Variants in PCSK2 observed in about 807,000 individuals in gnomAD.
PCSK2 encodes proprotein convertase subtilisin/kexin type 2, also known as neuroendocrine convertase 2.
A neutral mutation model predicts 69.7 loss-of-function variants in PCSK2; 14 were observed. The ratio of observed to expected loss-of-function variants is 0.20; its 90% CI spans 0.13 to 0.31. The LOEUF is 0.31. Ranked by LOEUF, PCSK2 falls within the 10% of genes least tolerant of loss-of-function variation. PCSK2 has a pLI of 1.00. For synonymous variants in PCSK2, 307 were observed against 320.7 expected (o/e 0.96, Z 0.46); for missense variants, 544 against 842.5 (o/e 0.65, Z 4.39).
chr20:17,365,301 C>A (rs985818495), intron 4 of PCSK2, among the ~76,000 whole-genome samples: 6 of 152,076 alleles, frequency 3.9e-5, no homozygotes, highest in Non-Finnish European at 8.8e-5. Flanking sequence ...AAAGTACGAA[C>A]CCCATTCATG....
At chr20:17,372,430 A>AAT (rs1163785702) in intron 5 of PCSK2, among the ~76,000 whole-genome samples, 1 of 148,388 alleles carries the variant, frequency 6.7e-6, no homozygotes, top group African/African-American at 2.5e-5. Flanking sequence ...TAAATAAATA[A>AAT]AAATAAAAGA....
At chr20:17,368,360 C>T (rs180796402) in intron 4 of PCSK2, among the ~76,000 whole-genome samples, 20 of 152,254 alleles carry the variant, frequency 1.3e-4, no homozygotes, top group Non-Finnish European at 2.4e-4. Context: ...AAGCAACTTG[C>T]CTGAAGTCTT....
chr20:17,289,668 A>C lies in PCSK2; in HGVS notation c.282+29324A>C, dbSNP rs1208645188. ...CATACCCAAAGCTAAACATCACTTA[A>C]CTTTTTTTGTTTATATCTTTTCAGT... On this transcript the variant is annotated intron_variant, in intron 2 of 11. Transcript: ENST00000262545. Among the ~76,000 whole-genome samples the C allele has an allele frequency of 2.0e-5, 3 of 151,934 alleles. No homozygotes were observed. The East Asian group carries it at 5.8e-4, about 29-fold the overall frequency.
At chr20:17,254,266 G>T (rs1197816078) in intron 1 of PCSK2, among the ~76,000 whole-genome samples, 10 of 152,072 alleles carry the variant, frequency 6.6e-5, no homozygotes, top group Admixed American at 5.9e-4. Flanking sequence ...AGAAAACATT[G>T]CCTAACCTAA....
chr20:17,380,126 C>A (rs575110936), intron 5 of PCSK2, among the ~76,000 whole-genome samples: 12 of 152,272 alleles, frequency 7.9e-5, no homozygotes, highest in Admixed American at 5.9e-4. Context: ...CCCCAGTTAA[C>A]CCACGTCCAG....
At chr20:17,247,338 G>T (rs751239114) in intron 1 of PCSK2, among the ~76,000 whole-genome samples, 3 of 152,122 alleles carry the variant, frequency 2.0e-5, no homozygotes, top group Admixed American at 6.5e-5. Context: ...TAAAATTCAG[G>T]TCCCCAAATG....
intron 2 of PCSK2, among the ~76,000 whole-genome samples, chr20:17,328,283 G>T (rs1014165301): frequency 2.0e-5 from 3 of 151,302 alleles, no homozygotes; most frequent in Non-Finnish European, 4.4e-5. Context: ...TTTCCACAAT[G>T]GAGTTTCCTT....
chr20:17,481,190 G>A (rs2033392530), intron 11 of PCSK2, among the ~76,000 whole-genome samples: 1 of 151,976 alleles, frequency 6.6e-6, no homozygotes, highest in African/African-American at 2.4e-5. Flanking sequence ...AGACCAGCCT[G>A]GCCAACATGG....
Position 17,411,791 on chromosome 20 carries a change from G to T in PCSK2, c.620+2452G>T, listed in dbSNP as rs140960997. ...GGCCAACAGACAGCTCACAAAGGTG[G>T]GTGCCCCTCTAGGACAAAGCTTCAA... On this transcript the variant is annotated intron_variant, in intron 6 of 11. Transcript: ENST00000262545. 1.9e-3 allele frequency among the ~76,000 whole-genome samples: 295 copies of T among 152,338 alleles called. 1 individual carries two copies. Among genetic ancestry groups the T allele is most frequent in the Non-Finnish European group, 2.9e-3 (199 of 68,040 alleles).
In PCSK2 at chr20:17,455,313, G is replaced by A. The variant is rs141891371; in HGVS notation, c.1102-1035G>A. 3.2e-3 allele frequency among the ~76,000 whole-genome samples: 486 copies of A among 152,268 alleles called. 3 individuals are homozygous for A. Among genetic ancestry groups the A allele is most frequent in the African/African-American group, 0.011 (463 of 41,560 alleles). ...AGCTCTCTTGAGGATCCTACAGACA[G>A]AGGAAGAATTCCCGTCGTTTATACA... On this transcript the variant is annotated intron_variant, in intron 9 of 11. Transcript: ENST00000262545.
intron 5 of PCSK2, among the ~76,000 whole-genome samples, chr20:17,376,894 C>T (rs2030943756): frequency 6.6e-6 from 1 of 152,070 alleles, no homozygotes; most frequent in South Asian, 2.1e-4. Context: ...CAAGTAATAC[C>T]AGGAACTAAA....
intron 2 of PCSK2, among the ~76,000 whole-genome samples, chr20:17,262,197 T>C (rs1411920939): frequency 6.6e-6 from 1 of 152,214 alleles, no homozygotes; most frequent in Non-Finnish European, 1.5e-5. Flanking sequence ...CTCTTCAAAA[T>C]ATTATCTGTT....
Position 17,481,681 on chromosome 20 carries a change from G to T in PCSK2, c.1528G>T (p.Val510Phe). ...FVRYLEHVQA[V>F]ITVNATRRGD... ...CCGCTACCTGGAGCATGTCCAGGCTGTCATCACGGTCAACGCAACCAGAAG... is the reference window on the plus strand; with the variant it reads ...CCGCTACCTGGAGCATGTCCAGGCTTTCATCACGGTCAACGCAACCAGAAG... The change falls in exon 12 of 12, where the codon GTC becomes TTC. Residue 510 changes from valine to phenylalanine, a missense_variant. Val to Phe is a conservative substitution (Grantham distance 50). Around this residue, in one of 3 missense-constraint regions of PCSK2, gnomAD observed 200 missense variants for 287.8 expected, o/e 0.69. Transcript: ENST00000262545. 6.2e-7 allele frequency: 1 copy of T among 1,614,142 alleles called. No individual in the cohort carries two copies. The highest frequency in any genetic ancestry group is 1.1e-5 in the South Asian group (1 of 91,082).
rs1452348521 is a variant in PCSK2 at position 17,483,631 on chromosome 20, A to C, written c.*1561A>C. On this transcript the variant is annotated 3_prime_UTR_variant, in exon 12 of 12. Transcript: ENST00000262545. ...CCTGAAGGTGGCCACTTTAAGAGAG[A>C]AATCTGAAAACCCCATTTGCTTTCT... 2.0e-5 allele frequency: 3 copies of C among 152,274 alleles called. No individual in the cohort carries two copies. The highest frequency in any genetic ancestry group is 4.4e-5 in the Non-Finnish European group (3 of 68,038). The allele number at this position is 152,274 out of a possible 1,614,324, so 9.4% of individuals were successfully genotyped here.
Position 17,483,759 on chromosome 20 carries a change from TTAC to T in PCSK2, c.*1691_*1693del, listed in dbSNP as rs2033451234. The T allele has an allele frequency of 6.6e-6, 1 of 152,644 alleles. No individual in the cohort carries two copies. 9.5% of individuals were successfully genotyped at this position (152,644 alleles called of 1,614,324 possible). A position where few individuals can be genotyped will look rare whatever the true frequency, so the allele number is the denominator to read the frequency against. On this transcript the variant is annotated 3_prime_UTR_variant, in exon 12 of 12. Coordinates refer to ENST00000262545, the MANE Select transcript of PCSK2 (RefSeq NM_002594.5). The stretch of plus-strand genomic sequence containing the variant: ...AATATGATTTTTTAAAAGAAATTTA[TTAC>T]TTGTTGCAAAGGTCTTTTTAAACCA...
chr20:17,451,521 G>A (rs1317555519), intron 8 of PCSK2, among the ~76,000 whole-genome samples: 2 of 152,102 alleles, frequency 1.3e-5, no homozygotes, highest in African/African-American at 4.8e-5. Context: ...ATGGTGCAAC[G>A]GAGTTCTGGG....
At chr20:17,478,579 A>C (rs2033333518) in intron 11 of PCSK2, among the ~76,000 whole-genome samples, 1 of 152,254 alleles carries the variant, frequency 6.6e-6, no homozygotes, top group Non-Finnish European at 1.5e-5. Context: ...CTATTAGTTG[A>C]TAGAAAATTT....
chr20:17,350,855 CA>C (rs2123195038), intron 2 of PCSK2, among the ~76,000 whole-genome samples: 1 of 152,090 alleles, frequency 6.6e-6, no homozygotes, highest in Non-Finnish European at 1.5e-5. Flanking sequence ...CCAGCTTGGC[CA>C]ACATGGTGAA....
At chr20:17,352,999 A>C (rs1050300759) in intron 2 of PCSK2, among the ~76,000 whole-genome samples, 2 of 152,202 alleles carry the variant, frequency 1.3e-5, no homozygotes, top group Non-Finnish European at 2.9e-5. Context: ...TCAACAAAAA[A>C]AAAATCCCTA....
Sources: gnomAD v4.1 joint callset for allele counts (sites outside exome capture counted in the v4.1 genomes callset) on GRCh38, gnomAD v4.1.1 for gene constraint, gnomAD v4.1.1 regional missense constraint, MANE v1.5 for transcripts, NCBI Gene and HGNC (gene_info 2026-07-23, HGNC 2026-07-21) for gene names.